Variants in ZFHX3 observed in about 807,000 individuals in gnomAD.
ZFHX3 encodes the protein zinc finger homeobox protein 3.
In ZFHX3, 42 loss-of-function variants were observed where a neutral mutation model predicts 279.1. The ratio of observed to expected loss-of-function variants is 0.15; its 90% confidence interval spans 0.12 to 0.19. The LOEUF (loss-of-function observed/expected upper bound fraction) is 0.19. Ranked by LOEUF, ZFHX3 falls within the 10% of genes least tolerant of loss-of-function variation. The pLI is 1.00. For missense variants in ZFHX3, 4,981 were observed against 4,754.0 expected (o/e 1.05, Z -1.40); for synonymous variants, 2,293 against 1,957.8 (o/e 1.17, Z -4.52).
intron 7 of ZFHX3, chr16:73,099,034 G>A (rs536363287): frequency 6.6e-6 from 1 of 152,262 alleles, no homozygotes; most frequent in South Asian, 2.1e-4. Context: ...TTGATGTTAG[G>A]GATTTATTTC....
rs562736202 is a variant in ZFHX3, at chr16:73,206,540, A to G, written c.-1104+50507T>C. 5.6e-4 allele frequency among the ~76,000 whole-genome samples: 85 copies of G among 152,214 alleles called. 3 individuals carry two copies. The highest frequency in any genetic ancestry group is 1.6e-3 in the Admixed American group (25 of 15,270). ...CAGAGCTTGGTTACATCATAGTAAG[A>G]TTTCTCAATATTTTCTCATTCAGAG... On this transcript the variant is annotated intron_variant, in intron 5 of 17. Coordinates refer to the ZFHX3 transcript ENST00000641206.
intron 4 of ZFHX3, among the ~76,000 whole-genome samples, chr16:72,839,126 T>C (rs900113985): frequency 6.6e-6 from 1 of 152,134 alleles, no homozygotes; most frequent in Non-Finnish European, 1.5e-5. Flanking sequence ...TCCCCGAGCA[T>C]GTCTGTAGCA....
At chr16:72,926,368 T>G (rs1426827473) in intron 3 of ZFHX3, among the ~76,000 whole-genome samples, 1 of 152,112 alleles carries the variant, frequency 6.6e-6, no homozygotes, top group Non-Finnish European at 1.5e-5. Flanking sequence ...AAAAGCCAGA[T>G]AAATCCATGG....
At chr16:73,247,770 G>A (rs1479844456) in intron 5 of ZFHX3, among the ~76,000 whole-genome samples, 1 of 151,946 alleles carries the variant, frequency 6.6e-6, no homozygotes, top group Admixed American at 6.6e-5. Context: ...TGTATATACT[G>A]CATATATGAT....
chr16:73,161,380 T>C (rs1256767765), intron 5 of ZFHX3, among the ~76,000 whole-genome samples: 1 of 152,204 alleles, frequency 6.6e-6, no homozygotes, highest in Non-Finnish European at 1.5e-5. Context: ...CTTACAGCCT[T>C]AGAGTCTCAG....
At position 72,867,974 on chromosome 16, in the gene ZFHX3, A is replaced by G. The variant is rs150777421; in HGVS notation, c.3448+21757T>C. On this transcript the variant is annotated intron_variant, in intron 4 of 9. Coordinates refer to ENST00000268489, the MANE Select transcript of ZFHX3 (RefSeq NM_006885.4). ...CCGACAAGATGGCGCCCAAGGAAGC[A>G]TGGAACTAACTGAGCCACTGACGAA... Among the ~76,000 whole-genome samples the G allele has an allele frequency of 2.0e-3, 300 of 152,344 alleles. 1 individual carries two copies. The highest frequency in any genetic ancestry group is 6.9e-3 in the African/African-American group (287 of 41,582).
rs77831586 is a variant in ZFHX3, at chr16:72,901,553, C to T, written c.3217-11591G>A. 1.8e-3 allele frequency among the ~76,000 whole-genome samples: 273 copies of T among 152,236 alleles called. 1 individual carries two copies. Among genetic ancestry groups the T allele is most frequent in the African/African-American group, 6.2e-3 (256 of 41,556 alleles). On this transcript the variant is annotated intron_variant, in intron 3 of 9. Coordinates refer to ENST00000268489, the MANE Select transcript of ZFHX3 (RefSeq NM_006885.4). Reference sequence around the variant, plus strand: ...CTTAAAAGAGAGAATGAGAAAGTGACGGGGCGAGGCAGAAAAACTCCCTCT... The same window carrying T: ...CTTAAAAGAGAGAATGAGAAAGTGATGGGGCGAGGCAGAAAAACTCCCTCT...
chr16:73,837,238 T>A (rs1213670039), intron 1 of ZFHX3, among the ~76,000 whole-genome samples: 1 of 152,208 alleles, frequency 6.6e-6, no homozygotes, highest in Non-Finnish European at 1.5e-5. Context: ...ACTAAACTCA[T>A]GTTAATATCT....
chr16:73,245,491 T>G (rs527461415), intron 5 of ZFHX3, among the ~76,000 whole-genome samples: 4 of 152,250 alleles, frequency 2.6e-5, no homozygotes, highest in Admixed American at 2.6e-4. Context: ...AATCCAGGCA[T>G]GTTGGATGAA....
chr16:72,947,717 G>T (rs541881613), intron 3 of ZFHX3, among the ~76,000 whole-genome samples: 1 of 152,116 alleles, frequency 6.6e-6, no homozygotes, highest in Non-Finnish European at 1.5e-5. Flanking sequence ...GGGTGGGGTG[G>T]GGAAGGGGTG....
intron 4 of ZFHX3, among the ~76,000 whole-genome samples, chr16:73,293,115 C>A (rs951084690): frequency 6.6e-6 from 1 of 152,166 alleles, no homozygotes; most frequent in Admixed American, 6.5e-5. Flanking sequence ...TTAGACCAAC[C>A]TACCAGAAGA....
At chr16:73,039,484 A>AG (rs1965034465) in intron 1 of ZFHX3, among the ~76,000 whole-genome samples, 1 of 152,146 alleles carries the variant, frequency 6.6e-6, no homozygotes, top group South Asian at 2.1e-4. Context: ...TGCCTCCCCA[A>AG]GGGACAGTGG....
intron 8 of ZFHX3, among the ~76,000 whole-genome samples, chr16:73,085,985 CAAAAA>C (rs57128744): frequency 3.7e-5 from 2 of 54,222 alleles, no homozygotes; most frequent in Non-Finnish European, 8.0e-5. Flanking sequence ...AACTCAATTG[CAAAAA>C]AAAAAAAAAA....
intron 5 of ZFHX3, among the ~76,000 whole-genome samples, chr16:73,174,781 G>A (rs1027631214): frequency 7.9e-5 from 12 of 151,394 alleles, no homozygotes; most frequent in South Asian, 4.2e-4. Context: ...ATTCTGGGAG[G>A]CCGAGGTGGG....
At chr16:73,547,179 A>G (rs2020131135) in intron 2 of ZFHX3, among the ~76,000 whole-genome samples, 1 of 152,138 alleles carries the variant, frequency 6.6e-6, no homozygotes, top group Non-Finnish European at 1.5e-5. Flanking sequence ...TAGCTAGGGT[A>G]CATGCCCCAT....
chr16:73,682,297 T>A lies in ZFHX3; in HGVS notation c.-1607-2057A>T, dbSNP rs115606048. Reference sequence around the variant, plus strand: ...ATCTTTGTATTTATTCTATTAAAATTATATATATTTTGACAATAAAATACA... The same window carrying A: ...ATCTTTGTATTTATTCTATTAAAATAATATATATTTTGACAATAAAATACA... On this transcript the variant is annotated intron_variant, in intron 1 of 17. Transcript: ENST00000641206. Among the ~76,000 whole-genome samples, 540 of 152,294 alleles carry A rather than the reference T, an allele frequency of 3.5e-3. 3 individuals carry two copies. The highest frequency in any genetic ancestry group is 0.011 in the African/African-American group (454 of 41,590).
At chr16:73,288,589 C>T (rs1004185403) in intron 4 of ZFHX3, among the ~76,000 whole-genome samples, 1 of 152,134 alleles carries the variant, frequency 6.6e-6, no homozygotes, top group African/African-American at 2.4e-5. Context: ...CCACGCTGTC[C>T]GCAGCGGAGA....
At chr16:73,439,871 G>A (rs1395036937) in intron 3 of ZFHX3, among the ~76,000 whole-genome samples, 1 of 140,154 alleles carries the variant, frequency 7.1e-6, no homozygotes, top group Non-Finnish European at 1.5e-5. Context: ...AGAGGCCCCT[G>A]GCAGCTGACT....
chr16:73,772,284 A>G (rs140451789), intron 1 of ZFHX3, among the ~76,000 whole-genome samples: 16 of 152,298 alleles, frequency 1.1e-4, no homozygotes, highest in African/African-American at 3.4e-4. Context: ...GGCCGGGGAG[A>G]CCTCACATCA....
Sources: allele counts gnomAD v4.1 joint callset (sites outside exome capture counted in the v4.1 genomes callset), GRCh38; gene constraint gnomAD v4.1.1; transcripts MANE v1.5; gene names NCBI Gene and HGNC (gene_info 2026-07-23, HGNC 2026-07-21).